DCT: variants seen among roughly 807,000 people sequenced by gnomAD.
DCT encodes the protein dopachrome tautomerase.
A neutral mutation model predicts 53.0 loss-of-function variants in DCT; 47 were observed. The observed-to-expected ratio is 0.89, with a 90% CI of 0.70 to 1.13. The LOEUF (loss-of-function observed/expected upper bound fraction) is 1.13. Among genes scored for constraint, DCT ranks in the 50% most tolerant of loss-of-function variants. DCT has a pLI of 0.00. For synonymous variants in DCT, 244 were observed against 237.0 expected, an observed-to-expected ratio of 1.03 and a Z score of -0.27; for missense variants, 669 against 637.4, an observed-to-expected ratio of 1.05 and a Z score of -0.53.
chr13:94,444,167 C>T (rs1882557799), intron 6 of DCT, among the ~76,000 whole-genome samples: 1 of 152,128 alleles, frequency 6.6e-6, no homozygotes. Context: ...TGAGTGCCAA[C>T]ATGACACTTG....
intron 6 of DCT, among the ~76,000 whole-genome samples, chr13:94,455,381 T>TAGAGAG (rs56301019): frequency 0.016 from 2,308 of 141,732 alleles, 35 homozygotes; most frequent in African/African-American, 0.029. Flanking sequence ...GACTGTCTCT[T>TAGAGAG]AGAGAGAGAG....
chr13:94,524,057 A>T, the DCT span, among the ~76,000 whole-genome samples: 2 of 151,986 alleles, frequency 1.3e-5, no homozygotes, highest in Non-Finnish European at 2.9e-5. Flanking sequence ...ATGAGCTAAT[A>T]CCTCCCCCTT....
the DCT span, among the ~76,000 whole-genome samples, chr13:94,535,586 G>C: frequency 2.0e-5 from 3 of 152,196 alleles, no homozygotes; most frequent in Non-Finnish European, 4.4e-5. Context: ...TGTAGGCAGT[G>C]CCTGGAACTA....
the DCT span, among the ~76,000 whole-genome samples, chr13:94,520,085 T>G: frequency 6.6e-6 from 1 of 152,204 alleles, no homozygotes; most frequent in African/African-American, 2.4e-5. Context: ...CCTCAATAGC[T>G]TTCAGATATT....
At chr13:94,497,730 T>G in the DCT span, among the ~76,000 whole-genome samples, 2 of 152,068 alleles carry the variant, frequency 1.3e-5, no homozygotes, top group Non-Finnish European at 2.9e-5. Context: ...TCTTGCTGTC[T>G]CAGGGGTGGC....
upstream of DCT, among the ~76,000 whole-genome samples, chr13:94,484,019 G>A (rs1885559398): frequency 1.3e-5 from 2 of 152,118 alleles, no homozygotes; most frequent in African/African-American, 2.4e-5. Flanking sequence ...GCTAACTCAC[G>A]CTGCAGTTAA....
chr13:94,547,241 C>G, the DCT span, among the ~76,000 whole-genome samples: 2 of 151,904 alleles, frequency 1.3e-5, no homozygotes, highest in Non-Finnish European at 2.9e-5. Flanking sequence ...CTCAGCCTCC[C>G]GAGTAGCTGG....
At chr13:94,456,768 G>T (rs534054766) in intron 6 of DCT, among the ~76,000 whole-genome samples, 8 of 152,222 alleles carry the variant, frequency 5.3e-5, no homozygotes, top group Non-Finnish European at 8.8e-5. Flanking sequence ...TCCCAAGATT[G>T]CCCTGGTCTG....
chr13:94,512,955 A>G, the DCT span, among the ~76,000 whole-genome samples: 1 of 152,268 alleles, frequency 6.6e-6, no homozygotes, highest in Non-Finnish European at 1.5e-5. Context: ...CTGAATATAC[A>G]GAAGGTAGAA....
chr13:94,522,608 G>A, the DCT span, among the ~76,000 whole-genome samples: 9 of 151,986 alleles, frequency 5.9e-5, no homozygotes, highest in African/African-American at 1.2e-4. Context: ...TTGTGAATTC[G>A]ATGCTAAGTT....
At chr13:94,441,601 T>C (rs776069554) in intron 7 of DCT, among the ~76,000 whole-genome samples, 1 of 152,204 alleles carries the variant, frequency 6.6e-6, no homozygotes, top group Non-Finnish European at 1.5e-5. Flanking sequence ...CATGCAGTAT[T>C]TGTTCTTATG....
At chr13:94,440,146 C>T in intron 7 of DCT, 70 bp from the exon 8 acceptor site, 1 of 1,337,428 alleles carries the variant, frequency 7.5e-7, no homozygotes, top group Non-Finnish European at 1.0e-6. Context: ...AGAAAAAGAG[C>T]AAGCGCACTT....
chr13:94,439,246 T>C lies in DCT; in HGVS notation c.*652A>G, dbSNP rs1882101132. The C allele has an allele frequency of 6.6e-6, 1 of 152,346 alleles. No homozygotes were observed. The highest frequency in any genetic ancestry group is 6.5e-5 in the Admixed American group (1 of 15,280). The allele number at this position is 152,346 out of a possible 1,614,324, so 9.4% of individuals were successfully genotyped here. A position where few individuals can be genotyped will look rare whatever the true frequency, so the allele number is the denominator to read the frequency against. On this transcript the variant is annotated 3_prime_UTR_variant, in exon 8 of 8. Coordinates refer to ENST00000377028, the MANE Select transcript of DCT (RefSeq NM_001922.5). The stretch of plus-strand genomic sequence containing the variant: ...AATCCGTAAAATCTAGTTTACACAA[T>C]AGAGTGGAATTGATCCTTCATTTAG...
intron 6 of DCT, among the ~76,000 whole-genome samples, chr13:94,451,094 C>T (rs906670971): frequency 6.6e-6 from 1 of 152,104 alleles, no homozygotes; most frequent in East Asian, 1.9e-4. Flanking sequence ...CACTGCCACC[C>T]TGGGGAACCA....
chr13:94,488,465 G>A, the DCT span, among the ~76,000 whole-genome samples: 4 of 151,890 alleles, frequency 2.6e-5, no homozygotes, highest in African/African-American at 9.7e-5. Context: ...CTGTAATCTC[G>A]GCACTTTGGG....
At chr13:94,495,378 T>C in the DCT span, among the ~76,000 whole-genome samples, 1 of 152,224 alleles carries the variant, frequency 6.6e-6, no homozygotes, top group African/African-American at 2.4e-5. Context: ...ATTACAGGTG[T>C]GAGCCACCAC....
At chr13:94,478,115 A>T (rs1037016851) in intron 1 of DCT, among the ~76,000 whole-genome samples, 21 of 152,048 alleles carry the variant, frequency 1.4e-4, no homozygotes, top group African/African-American at 4.6e-4. Flanking sequence ...TCCAGAGAAG[A>T]GTGACAAAAA....
intron 7 of DCT, among the ~76,000 whole-genome samples, chr13:94,443,136 T>C (rs1031324309): frequency 6.6e-6 from 1 of 152,192 alleles, no homozygotes; most frequent in Admixed American, 6.5e-5. Flanking sequence ...ATTAATCCAA[T>C]AAACTCAGAG....
the DCT span, among the ~76,000 whole-genome samples, chr13:94,502,426 G>A: frequency 0.01 from 1,573 of 152,226 alleles, 27 homozygotes; most frequent in African/African-American, 0.036. Context: ...CATAGTTCTC[G>A]GCTTACTTTC....
Sources: gnomAD v4.1 joint callset for allele counts (sites outside exome capture counted in the v4.1 genomes callset) on GRCh38, gnomAD v4.1.1 for gene constraint, MANE v1.5 for transcripts, NCBI Gene and HGNC (gene_info 2026-07-23, HGNC 2026-07-21) for gene names.